Variants in PLB1 observed in about 807,000 individuals in gnomAD.
The protein encoded by PLB1 is phospholipase B1, membrane-associated.
A neutral mutation model predicts 227.4 loss-of-function variants in PLB1; 242 were observed. The observed-to-expected ratio is 1.06, with a 90% CI of 0.96 to 1.18. The LOEUF is 1.18. PLB1 is among the 50% of genes most tolerant of loss of function. PLB1 has a pLI of 0.00. For missense variants in PLB1, 1,858 were observed against 1,816.3 expected, an observed-to-expected ratio of 1.02 and a Z score of -0.42; for synonymous variants, 757 against 682.2, an observed-to-expected ratio of 1.11 and a Z score of -1.71.
At chr2:28,558,956 C>T (rs377693386) in intron 17 of PLB1, among the ~76,000 whole-genome samples, 1 of 152,096 alleles carries the variant, frequency 6.6e-6, no homozygotes, top group East Asian at 1.9e-4. Context: ...AACTTCTGGG[C>T]TCAAGTGATC....
In PLB1 at chr2:28,508,901, T is replaced by A. The variant is rs141121832; in HGVS notation, c.56-7907T>A. ...AGAGTGACCTCAGTGCCACATGAGT[T>A]GGCCTTGAAAGTCCTCCCTGATGCC... On this transcript the variant is annotated intron_variant, in intron 1 of 57. Transcript: ENST00000327757. 5.4e-3 allele frequency among the ~76,000 whole-genome samples: 827 copies of A among 152,342 alleles called. 8 individuals carry two copies. The highest frequency in any genetic ancestry group is 0.019 in the African/African-American group (788 of 41,578).
rs1240016606 is a variant in PLB1 at position 28,637,298 on chromosome 2, TTAAAAAAA to T, written c.4099-3628_4099-3621del. On this transcript the variant is annotated intron_variant, in intron 56 of 57. Transcript: ENST00000327757. ...ACAAGAGTAAAACTCTGTCTCAAAT[TTAAAAAAA>T]AAAAAAAAAAAAGTTTACTTGAAAA... Among the ~76,000 whole-genome samples the T allele has an allele frequency of 4.9e-5, 6 of 121,388 alleles. No homozygotes were observed. The East Asian group carries it at 1.2e-3, about 25-fold the overall frequency. 79.6% of individuals were successfully genotyped at this position (121,388 alleles called of 152,430 possible). A position where few individuals can be genotyped will look rare whatever the true frequency, so the allele number is the denominator to read the frequency against.
intron 52 of PLB1, 47 bp from the exon 53 acceptor site, chr2:28,629,047 C>T: frequency 6.5e-7 from 1 of 1,537,336 alleles, no homozygotes; most frequent in Non-Finnish European, 8.9e-7. Flanking sequence ...CAGGTTCCTC[C>T]CAGCAGTAGC....
At chr2:28,641,099 T>C (rs1689924786) in intron 57 of PLB1, 98 bp downstream of exon 57, 1 of 1,139,156 alleles carries the variant, frequency 8.8e-7, no homozygotes, top group Non-Finnish European at 1.2e-6. Context: ...GGATGCTCCC[T>C]CAAATGCGGC....
At chr2:28,559,883 C>G (rs1229749290) in intron 17 of PLB1, among the ~76,000 whole-genome samples, 1 of 150,544 alleles carries the variant, frequency 6.6e-6, no homozygotes, top group Non-Finnish European at 1.5e-5. Context: ...TCCCAAATAG[C>G]TGGGACTATA....
intron 17 of PLB1, among the ~76,000 whole-genome samples, chr2:28,558,174 G>GTA (rs946609934): frequency 2.0e-5 from 3 of 151,896 alleles, no homozygotes; most frequent in Non-Finnish European, 4.4e-5. Flanking sequence ...GTGTGTGTGT[G>GTA]TGTGTGTCTA....
chr2:28,589,328 A>G, intron 26 of PLB1, 122 bp from the exon 27 acceptor site: 1 of 714,248 alleles, frequency 1.4e-6, no homozygotes, highest in East Asian at 2.6e-5. Flanking sequence ...GAGATTTTGC[A>G]CCAGGTTGAT....
intron 1 of PLB1, among the ~76,000 whole-genome samples, chr2:28,511,788 C>CTTTTTTTTTTTT (rs59137589): frequency 7.5e-5 from 10 of 132,642 alleles, no homozygotes; most frequent in Non-Finnish European, 9.6e-5. Flanking sequence ...GCCATTTTAT[C>CTTTTTTTTTTTT]TTTTTTTTTT....
chr2:28,550,680 A>G (rs892651386), intron 16 of PLB1, among the ~76,000 whole-genome samples: 1 of 151,716 alleles, frequency 6.6e-6, no homozygotes, highest in Admixed American at 6.6e-5. Context: ...AGCTGGGATT[A>G]TAGGCGCGCA....
intron 16 of PLB1, among the ~76,000 whole-genome samples, chr2:28,551,781 G>A (rs1433979205): frequency 6.6e-6 from 1 of 152,208 alleles, no homozygotes; most frequent in South Asian, 2.1e-4. Flanking sequence ...AAGTCAGTAA[G>A]TATAAAGCAC....
chr2:28,590,670 C>A (rs1048972438), intron 29 of PLB1, among the ~76,000 whole-genome samples: 1 of 152,094 alleles, frequency 6.6e-6, no homozygotes, highest in Non-Finnish European at 1.5e-5. Flanking sequence ...ACACTGGAAA[C>A]CATTGTATGG....
intron 1 of PLB1, among the ~76,000 whole-genome samples, chr2:28,503,813 C>T (rs1667361265): frequency 6.6e-6 from 1 of 152,180 alleles, no homozygotes; most frequent in South Asian, 2.1e-4. Flanking sequence ...GTCATTTCTG[C>T]TGCTTCTATG....
At chr2:28,509,181 ACAT>A (rs1667957841) in intron 1 of PLB1, among the ~76,000 whole-genome samples, 1 of 152,238 alleles carries the variant, frequency 6.6e-6, no homozygotes, top group African/African-American at 2.4e-5. Context: ...CACTCCAGAC[ACAT>A]CATAAGTATA....
intron 1 of PLB1, among the ~76,000 whole-genome samples, chr2:28,504,967 G>A (rs889060126): frequency 1.3e-5 from 2 of 152,136 alleles, no homozygotes; most frequent in Non-Finnish European, 1.5e-5. Context: ...CTAGGATGAA[G>A]GTGAATGTCT....
At chr2:28,600,571 T>C (rs1276763703) in intron 35 of PLB1, among the ~76,000 whole-genome samples, 1 of 152,178 alleles carries the variant, frequency 6.6e-6, no homozygotes, top group Non-Finnish European at 1.5e-5. Flanking sequence ...GAGCAACAAA[T>C]ATAATTGGCA....
intron 50 of PLB1, among the ~76,000 whole-genome samples, chr2:28,625,871 C>T (rs1239917111): frequency 6.6e-6 from 1 of 151,776 alleles, no homozygotes; most frequent in African/African-American, 2.4e-5. Context: ...GGAAAATAGC[C>T]CTCCCTTGTG....
chr2:28,625,176 C>A, intron 50 of PLB1, 68 bp downstream of exon 50: 1 of 1,411,746 alleles, frequency 7.1e-7, no homozygotes, highest in Non-Finnish European at 1.0e-6. Flanking sequence ...GGGGACAGCC[C>A]CATAAGGGTC....
intron 30 of PLB1, 133 bp downstream of exon 30, chr2:28,591,304 C>G: frequency 5.5e-6 from 6 of 1,085,818 alleles, no homozygotes; most frequent in Non-Finnish European, 8.4e-6. Flanking sequence ...CCCACCTGAC[C>G]TTCAGATGGG....
chr2:28,535,086 A>C (rs1292099491), intron 9 of PLB1, among the ~76,000 whole-genome samples: 1 of 152,152 alleles, frequency 6.6e-6, no homozygotes, highest in East Asian at 1.9e-4. Flanking sequence ...CAACATGAGA[A>C]ATTCCTGCAA....
Sources: gnomAD v4.1 joint callset for allele counts (sites outside exome capture counted in the v4.1 genomes callset) on GRCh38, gnomAD v4.1.1 for gene constraint, MANE v1.5 for transcripts, NCBI Gene and HGNC (gene_info 2026-07-23, HGNC 2026-07-21) for gene names.